The following CACNA2D3 variants were observed in gnomAD, a reference collection of about 807,000 sequenced individuals.
CACNA2D3 encodes voltage-dependent calcium channel subunit alpha-2/delta-3.
A neutral mutation model predicts 160.6 loss-of-function variants in CACNA2D3; 60 were observed. The ratio of observed to expected loss-of-function variants is 0.37; its 90% confidence interval spans 0.30 to 0.46. The LOEUF is 0.46. Among genes scored for constraint, CACNA2D3 ranks in the 20% least tolerant of loss-of-function variants. The pLI is 1.00. For missense variants in CACNA2D3, 1,205 were observed against 1,365.0 expected (o/e 0.88, Z 1.85); for synonymous variants, 558 against 492.9 (o/e 1.13, Z -1.75).
chr3:54,186,364 C>T (rs1337870064), intron 2 of CACNA2D3, among the ~76,000 whole-genome samples: 2 of 152,062 alleles, frequency 1.3e-5, no homozygotes, highest in Non-Finnish European at 2.9e-5. Context: ...GGGTGAATTC[C>T]ACATCCTCCC....
chr3:54,692,425 G>C (rs1700587813), intron 11 of CACNA2D3, among the ~76,000 whole-genome samples: 1 of 152,182 alleles, frequency 6.6e-6, no homozygotes, highest in Non-Finnish European at 1.5e-5. Context: ...CACATTTCTG[G>C]ATGCTGTGCC....
intron 2 of CACNA2D3, among the ~76,000 whole-genome samples, chr3:54,214,663 T>C (rs934887850): frequency 5.9e-5 from 9 of 152,198 alleles, no homozygotes; most frequent in African/African-American, 2.2e-4. Flanking sequence ...TGAAGCATCC[T>C]GCCAGGGTGT....
At chr3:54,490,427 G>A (rs1480616565) in intron 4 of CACNA2D3, among the ~76,000 whole-genome samples, 1 of 152,242 alleles carries the variant, frequency 6.6e-6, no homozygotes, top group Admixed American at 6.5e-5. Flanking sequence ...GCAGAGGAAG[G>A]TGTCAACAGA....
chr3:54,212,240 C>T (rs558175619), intron 2 of CACNA2D3, among the ~76,000 whole-genome samples: 17 of 152,146 alleles, frequency 1.1e-4, no homozygotes, highest in Non-Finnish European at 1.9e-4. Flanking sequence ...CTTGCTTTTA[C>T]GCCTTTTAGG....
At chr3:54,481,782 T>C (rs1186149737) in intron 4 of CACNA2D3, among the ~76,000 whole-genome samples, 1 of 152,192 alleles carries the variant, frequency 6.6e-6, no homozygotes, top group Non-Finnish European at 1.5e-5. Context: ...GGGGAAGATA[T>C]GCTTTGAGAG....
intron 4 of CACNA2D3, among the ~76,000 whole-genome samples, chr3:54,390,409 G>T (rs537376352): frequency 6.6e-6 from 1 of 152,174 alleles, no homozygotes; most frequent in Non-Finnish European, 1.5e-5. Flanking sequence ...TAAGTCTCTA[G>T]TTTTTGTTCT....
At chr3:54,232,742 T>A (rs1214809404) in intron 2 of CACNA2D3, among the ~76,000 whole-genome samples, 1 of 152,164 alleles carries the variant, frequency 6.6e-6, no homozygotes, top group Admixed American at 6.5e-5. Context: ...CACATGAACA[T>A]TTTGATTTAT....
intron 2 of CACNA2D3, among the ~76,000 whole-genome samples, chr3:54,254,844 C>T (rs988603355): frequency 6.6e-6 from 1 of 152,202 alleles, no homozygotes; most frequent in African/African-American, 2.4e-5. Context: ...GGGATGAGCG[C>T]TGTCCTTACC....
chr3:55,059,974 G>A (rs1704466649), intron 35 of CACNA2D3, among the ~76,000 whole-genome samples: 1 of 151,988 alleles, frequency 6.6e-6, no homozygotes, highest in Non-Finnish European at 1.5e-5. Flanking sequence ...GAGGTTTGGG[G>A]TTTATATGGG....
intron 11 of CACNA2D3, among the ~76,000 whole-genome samples, chr3:54,662,638 G>T (rs1424578056): frequency 6.6e-6 from 1 of 152,200 alleles, no homozygotes; most frequent in Non-Finnish European, 1.5e-5. Context: ...AAGTGCGTCT[G>T]CTGGGCTTGC....
At chr3:54,354,713 G>T (rs1698619795) in intron 3 of CACNA2D3, among the ~76,000 whole-genome samples, 1 of 152,250 alleles carries the variant, frequency 6.6e-6, no homozygotes, top group South Asian at 2.1e-4. Context: ...AGGCTGGAGT[G>T]TGGGATCTAA....
chr3:54,654,227 T>C (rs529153579), intron 11 of CACNA2D3, among the ~76,000 whole-genome samples: 5 of 152,232 alleles, frequency 3.3e-5, no homozygotes, highest in African/African-American at 1.2e-4. Flanking sequence ...CTCCATTTTC[T>C]GCAGGCAGAA....
intron 4 of CACNA2D3, among the ~76,000 whole-genome samples, chr3:54,488,606 C>T (rs950120797): frequency 5.3e-5 from 8 of 152,068 alleles, no homozygotes; most frequent in Non-Finnish European, 8.8e-5. Flanking sequence ...GAGCTCCTGC[C>T]GTGTCCTCAG....
intron 30 of CACNA2D3, 98 bp from the exon 31 acceptor site, chr3:54,987,585 G>C: frequency 1.4e-6 from 1 of 732,804 alleles, no homozygotes; most frequent in Non-Finnish European, 2.2e-6. Flanking sequence ...TTTTGCTCCT[G>C]TCAGTTCCAG....
chr3:54,142,523 A>G lies in CACNA2D3; in HGVS notation c.204+18929A>G, dbSNP rs544866039. Reference sequence around the variant, plus strand: ...ATCCGTGGGCCCTTTCCTCAGCTCCACAAGTGTTTCGAGGCCCTTTTCTCA... The same window carrying G: ...ATCCGTGGGCCCTTTCCTCAGCTCCGCAAGTGTTTCGAGGCCCTTTTCTCA... On this transcript the variant is annotated intron_variant, in intron 2 of 37. Transcript: ENST00000474759. 2.0e-5 allele frequency among the ~76,000 whole-genome samples: 3 copies of G among 152,170 alleles called. No homozygotes were observed. The South Asian group carries it at 6.2e-4, about 32-fold the overall frequency.
intron 11 of CACNA2D3, among the ~76,000 whole-genome samples, chr3:54,698,218 T>TA (rs1260800902): frequency 6.6e-6 from 1 of 152,106 alleles, no homozygotes; most frequent in African/African-American, 2.4e-5. Context: ...AACCAAGGGG[T>TA]AGTCTCAGGA....
At chr3:55,003,857 G>A (rs1703033762) in intron 31 of CACNA2D3, among the ~76,000 whole-genome samples, 1 of 152,136 alleles carries the variant, frequency 6.6e-6, no homozygotes, top group African/African-American at 2.4e-5. Flanking sequence ...CTGGCTTTTA[G>A]ATAGATAAGG....
intron 2 of CACNA2D3, among the ~76,000 whole-genome samples, chr3:54,177,217 A>G (rs1022396052): frequency 1.3e-5 from 2 of 152,166 alleles, no homozygotes; most frequent in Non-Finnish European, 2.9e-5. Context: ...CATCTATCTA[A>G]CTATGCCAGT....
intron 27 of CACNA2D3, among the ~76,000 whole-genome samples, chr3:54,901,713 C>G (rs1302335788): frequency 6.6e-6 from 1 of 152,148 alleles, no homozygotes; most frequent in Non-Finnish European, 1.5e-5. Context: ...TAGTCCTTAC[C>G]TTTTAGAATT....
Sources: gnomAD v4.1 joint callset for allele counts (sites outside exome capture counted in the v4.1 genomes callset) on GRCh38, gnomAD v4.1.1 for gene constraint, MANE v1.5 for transcripts, NCBI Gene and HGNC (gene_info 2026-07-23, HGNC 2026-07-21) for gene names.